SFMBT2: variants seen among roughly 807,000 people sequenced by gnomAD.
The protein encoded by SFMBT2 is Scm like with four mbt domains 2, also known as scm-like with four MBT domains protein 2.
Under a neutral mutation model 110.1 loss-of-function variants are expected in SFMBT2, and 38 were observed. That is an observed-to-expected ratio of 0.35 (90% CI 0.27 to 0.45). The LOEUF is 0.45. Ranked by LOEUF, SFMBT2 falls within the 20% of genes least tolerant of loss-of-function variation. SFMBT2 has a pLI of 1.00. For missense variants in SFMBT2, 1,011 were observed against 1,094.9 expected (o/e 0.92, Z 1.08); for synonymous variants, 425 against 425.4 (o/e 1.00, Z 0.01).
chr10:7,352,882 G>A (rs1844369883), intron 4 of SFMBT2, among the ~76,000 whole-genome samples: 1 of 152,076 alleles, frequency 6.6e-6, no homozygotes, highest in South Asian at 2.1e-4. Context: ...GTGATGGTGG[G>A]CACCTGTAGT....
intron 4 of SFMBT2, among the ~76,000 whole-genome samples, chr10:7,323,040 G>A (rs1014076111): frequency 2.0e-5 from 3 of 152,192 alleles, no homozygotes; most frequent in Non-Finnish European, 2.9e-5. Flanking sequence ...CAGAGAAGTT[G>A]TGGAATAAGC....
chr10:7,170,808 G>A lies in SFMBT2; in HGVS notation c.2544+120C>T. On this transcript the variant is annotated intron_variant, in intron 20 of 20. Transcript: ENST00000397167. This position sits in a 1 kb window ranked among gnomAD's most constrained non-coding sequence, Gnocchi z 4.6. ...GGAGGGAGAAGGGTCTCGCACACCT[G>A]CCGAGCAGCGCCGAAGAACCCCCTC... 8.2e-7 allele frequency: 1 copy of A among 1,218,176 alleles called. No individual in the cohort carries two copies. Among genetic ancestry groups the A allele is most frequent in the Admixed American group, 2.0e-5 (1 of 49,792 alleles). The allele number at this position is 1,218,176 out of a possible 1,614,324, so 75.5% of individuals were successfully genotyped here. A position where few individuals can be genotyped will look rare whatever the true frequency, so the allele number is the denominator to read the frequency against.
intron 4 of SFMBT2, among the ~76,000 whole-genome samples, chr10:7,340,072 C>T (rs1168707709): frequency 1.3e-5 from 2 of 152,106 alleles, no homozygotes; most frequent in South Asian, 2.1e-4. Context: ...CAGCCACAGT[C>T]GGTGGGGATC....
rs34885196 is a variant in SFMBT2 at position 7,321,491 on chromosome 10, G to A, written c.437-35537C>T. Among the ~76,000 whole-genome samples the A allele has an allele frequency of 5.5e-3, 835 of 152,154 alleles. 2 individuals carry two copies. Among genetic ancestry groups the A allele is most frequent in the Middle Eastern group, 0.01 (3 of 294 alleles). On this transcript the variant is annotated intron_variant, in intron 4 of 20. Transcript: ENST00000397167. The stretch of plus-strand genomic sequence containing the variant: ...GCTGGGATTACAGGCGTGAGCCACC[G>A]TGCCCGGCATTTATGAGCATCTTAA...
intron 1 of SFMBT2, among the ~76,000 whole-genome samples, chr10:7,406,899 AC>A (rs534465538): frequency 1.3e-5 from 2 of 149,892 alleles, no homozygotes. Flanking sequence ...GGGCTGCGAG[AC>A]CCCCGGCTCG....
intron 4 of SFMBT2, among the ~76,000 whole-genome samples, chr10:7,347,143 GC>G: frequency 6.6e-6 from 1 of 152,270 alleles, no homozygotes; most frequent in East Asian, 1.9e-4. Context: ...GCAAGGAGGA[GC>G]CCCACAGCTA....
chr10:7,254,063 G>C (rs533169460), intron 7 of SFMBT2, among the ~76,000 whole-genome samples: 1 of 152,136 alleles, frequency 6.6e-6, no homozygotes, highest in Non-Finnish European at 1.5e-5. Flanking sequence ...CTGGCCATTG[G>C]AGAACTTTAA....
intron 4 of SFMBT2, among the ~76,000 whole-genome samples, chr10:7,328,418 G>T (rs1843462576): frequency 6.6e-6 from 1 of 152,024 alleles, no homozygotes; most frequent in Admixed American, 6.6e-5. Flanking sequence ...GTCTGTATTT[G>T]TCCTTTGACA....
intron 16 of SFMBT2, among the ~76,000 whole-genome samples, chr10:7,182,127 T>C (rs1440062411): frequency 1.3e-5 from 2 of 152,142 alleles, no homozygotes; most frequent in African/African-American, 4.8e-5. Context: ...AACCTCCATC[T>C]CCCAGGTTCA....
chr10:7,246,591 C>T (rs546191008), intron 8 of SFMBT2, among the ~76,000 whole-genome samples: 2 of 151,652 alleles, frequency 1.3e-5, no homozygotes, highest in African/African-American at 2.4e-5. Flanking sequence ...TGGTGGCAGG[C>T]GCCTATAATC....
At chr10:7,357,741 C>T (rs1264868986) in intron 4 of SFMBT2, among the ~76,000 whole-genome samples, 9 of 152,200 alleles carry the variant, frequency 5.9e-5, no homozygotes, top group Non-Finnish European at 8.8e-5. Flanking sequence ...GTCGTACTCA[C>T]CAAGCTTTAA....
At chr10:7,403,621 G>A (rs1185133691) in intron 1 of SFMBT2, among the ~76,000 whole-genome samples, 1 of 152,288 alleles carries the variant, frequency 6.6e-6, no homozygotes, top group African/African-American at 2.4e-5. Flanking sequence ...CAGCCTGGAT[G>A]ACAGAGCCAA....
chr10:7,353,160 C>CTTCAATATAAAAT (rs976290765), intron 4 of SFMBT2, among the ~76,000 whole-genome samples: 1 of 152,158 alleles, frequency 6.6e-6, no homozygotes, highest in Non-Finnish European at 1.5e-5. Flanking sequence ...ATATAAAATG[C>CTTCAATATAAAAT]TTAATAACAA....
intron 4 of SFMBT2, among the ~76,000 whole-genome samples, chr10:7,323,463 A>AC (rs1182125709): frequency 1.1e-3 from 126 of 115,438 alleles, no homozygotes; most frequent in Middle Eastern, 4.7e-3. Context: ...AAAAAAAAAA[A>AC]AAAAACCAAA....
chr10:7,313,650 CTGTTT>C (rs1487549219), intron 4 of SFMBT2, among the ~76,000 whole-genome samples: 1 of 152,014 alleles, frequency 6.6e-6, no homozygotes, highest in African/African-American at 2.4e-5. Context: ...TTTGTTTTTG[CTGTTT>C]TGTTTTGTTT....
At position 7,276,871 on chromosome 10, in the gene SFMBT2, T is replaced by C. The variant is rs764946611; in HGVS notation, c.870+21A>G. The C allele has an allele frequency of 3.5e-6, 3 of 858,180 alleles. No homozygotes were observed. The South Asian group carries it at 3.9e-5, about 11-fold the overall frequency. 53.2% of individuals were successfully genotyped at this position (858,180 alleles called of 1,614,324 possible). A position where few individuals can be genotyped will look rare whatever the true frequency, so the allele number is the denominator to read the frequency against. ...TTATTCTCAAAAAGGGTAGATACATTGCTAAGAATCAACATCTTACCTTAA... is the reference window on the plus strand; with the variant it reads ...TTATTCTCAAAAAGGGTAGATACATCGCTAAGAATCAACATCTTACCTTAA... On this transcript the variant is annotated intron_variant, in intron 7 of 20. Transcript: ENST00000397167.
chr10:7,359,915 T>C (rs1844658750), intron 4 of SFMBT2, among the ~76,000 whole-genome samples: 1 of 151,260 alleles, frequency 6.6e-6, no homozygotes. Flanking sequence ...TTTCAAAGCA[T>C]CGATTTCAGA....
intron 8 of SFMBT2, 96 bp from the exon 9 acceptor site, chr10:7,243,801 T>C (rs1260338912): frequency 3.0e-6 from 2 of 667,856 alleles, no homozygotes; most frequent in East Asian, 2.7e-5. Flanking sequence ...AGGCAATTAA[T>C]ATAGTTCATC....
intron 2 of SFMBT2, among the ~76,000 whole-genome samples, chr10:7,377,449 C>T (rs1340155009): frequency 6.6e-6 from 1 of 152,114 alleles, no homozygotes; most frequent in Non-Finnish European, 1.5e-5. Flanking sequence ...TTATTGTGCA[C>T]TTTATTTCTA....
Sources: gnomAD v4.1 joint callset for allele counts (sites outside exome capture counted in the v4.1 genomes callset) on GRCh38, gnomAD v4.1.1 for gene constraint, Gnocchi (gnomAD v3.1) non-coding constraint, MANE v1.5 for transcripts, NCBI Gene and HGNC (gene_info 2026-07-23, HGNC 2026-07-21) for gene names.